The following DNAH11 variants were observed in gnomAD, a reference collection of about 807,000 sequenced individuals.
DNAH11 encodes axonemal beta dynein heavy chain 11.
In DNAH11, 442 loss-of-function variants were observed where a neutral mutation model predicts 526.0. That is an observed-to-expected ratio of 0.84 (90% CI 0.78 to 0.91). The LOEUF (loss-of-function observed/expected upper bound fraction) is 0.91, where lower values mean the gene tolerates loss of function less well. Among genes scored for constraint, DNAH11 ranks in the 40% least tolerant of loss-of-function variants. DNAH11 has a pLI of 0.00. For missense variants in DNAH11, 6,989 were observed against 5,448.7 expected, an observed-to-expected ratio of 1.28 and a Z score of -8.90; for synonymous variants, 2,461 against 1,935.9, an observed-to-expected ratio of 1.27 and a Z score of -7.12.
chr7:21,649,855 G>C (rs1029098821), intron 28 of DNAH11, among the ~76,000 whole-genome samples: 1 of 152,010 alleles, frequency 6.6e-6, no homozygotes, highest in African/African-American at 2.4e-5. Context: ...TAGTAGAGAT[G>C]GGGTTTTGCC....
In DNAH11 at chr7:21,571,829, A is replaced by T; in HGVS notation, c.1449A>T (p.Glu483Asp). The T allele has an allele frequency of 1.9e-6, 3 of 1,612,720 alleles. No individual in the cohort carries two copies. Among genetic ancestry groups the T allele is most frequent in the Non-Finnish European group, 2.5e-6 (3 of 1,179,400 alleles). The stretch of plus-strand genomic sequence containing the variant: ...AGGATATATTTGCCACCACTTTGGA[A>T]TTTGAAAAGCTGGAAAGACTGGAAT... ...KIEDIFATTL[E>D]FEKLERLEFG... Residue 483 changes from glutamate to aspartate, a missense_variant, in exon 8 of 82, where the codon GAA becomes GAT. Physicochemically the swap from Glu to Asp is conservative, Grantham distance 45. Transcript: ENST00000409508.
chr7:21,738,561 G>A (rs1785721248), intron 46 of DNAH11, 140 bp from the exon 47 acceptor site: 2 of 764,718 alleles, frequency 2.6e-6, no homozygotes, highest in Non-Finnish European at 4.0e-6. Flanking sequence ...CACATCCCGG[G>A]TCTCTTAACC....
chr7:21,608,638 G>A (rs1327237529), intron 20 of DNAH11, among the ~76,000 whole-genome samples: 1 of 152,198 alleles, frequency 6.6e-6, no homozygotes, highest in Non-Finnish European at 1.5e-5. Flanking sequence ...GTTAGAGTAT[G>A]CTAATATACT....
chr7:21,773,367 C>A (rs1787521617), intron 55 of DNAH11, among the ~76,000 whole-genome samples: 1 of 146,250 alleles, frequency 6.8e-6, no homozygotes, highest in South Asian at 2.1e-4. Context: ...AGTGACTTTG[C>A]AGGGTTATTG....
intron 63 of DNAH11, among the ~76,000 whole-genome samples, chr7:21,811,267 A>G (rs896128536): frequency 1.3e-5 from 2 of 151,932 alleles, no homozygotes; most frequent in Non-Finnish European, 2.9e-5. Flanking sequence ...GTTCAAGACC[A>G]GCCTGGCCAA....
At chr7:21,679,373 G>C (rs1783046346) in intron 30 of DNAH11, among the ~76,000 whole-genome samples, 1 of 152,158 alleles carries the variant, frequency 6.6e-6, no homozygotes, top group African/African-American at 2.4e-5. Context: ...TTTGCTAAGA[G>C]AGTAAATATC....
At chr7:21,763,237 G>C (rs958958541) in intron 54 of DNAH11, among the ~76,000 whole-genome samples, 10 of 151,372 alleles carry the variant, frequency 6.6e-5, no homozygotes, top group Admixed American at 1.3e-4. Context: ...AGCTACTCAG[G>C]AGGCTGAGGC....
chr7:21,620,147 G>A, intron 25 of DNAH11, 69 bp downstream of exon 25: 1 of 1,260,046 alleles, frequency 7.9e-7, no homozygotes, highest in South Asian at 1.7e-5. Context: ...TGTATATATA[G>A]GGTACCATGT....
At chr7:21,730,698 C>CGT (rs1785341038) in intron 45 of DNAH11, among the ~76,000 whole-genome samples, 1 of 151,792 alleles carries the variant, frequency 6.6e-6, no homozygotes, top group Non-Finnish European at 1.5e-5. Context: ...AGTTAGGAGA[C>CGT]TGGGGAGATG....
chr7:21,589,457 T>C, intron 12 of DNAH11, 54 bp downstream of exon 12: 1 of 1,361,450 alleles, frequency 7.3e-7, no homozygotes, highest in Non-Finnish European at 1.0e-6. Context: ...ATTATAAGCC[T>C]ATTTCTGATA....
rs922818593 is a variant in DNAH11 at position 21,551,649 on chromosome 7, G to T, written c.495+6500G>T. Among the ~76,000 whole-genome samples the T allele has an allele frequency of 3.3e-5, 5 of 152,172 alleles. 1 individual carries two copies. The highest frequency in any genetic ancestry group is 7.4e-5 in the Non-Finnish European group (5 of 68,026). Reference sequence around the variant, plus strand: ...GAAGTGTTTATTCCCATAAATGACAGCATGGCCATTATGTCTCTTGCCATC... The same window carrying T: ...GAAGTGTTTATTCCCATAAATGACATCATGGCCATTATGTCTCTTGCCATC... On this transcript the variant is annotated intron_variant, in intron 2 of 81. Coordinates refer to ENST00000409508, the MANE Select transcript of DNAH11 (RefSeq NM_001277115.2).
At chr7:21,697,973 A>T in intron 35 of DNAH11, 102 bp from the exon 36 acceptor site, 1 of 1,216,398 alleles carries the variant, frequency 8.2e-7, no homozygotes, top group Non-Finnish European at 1.1e-6. Flanking sequence ...TGATCTGCTT[A>T]GGAATGGTTA....
intron 2 of DNAH11, among the ~76,000 whole-genome samples, chr7:21,558,591 G>C (rs1327698064): frequency 6.6e-6 from 1 of 152,202 alleles, no homozygotes; most frequent in Non-Finnish European, 1.5e-5. Flanking sequence ...GTAAATGAAT[G>C]AACAAGCAGT....
At chr7:21,803,274 T>C (rs1789076453) in intron 62 of DNAH11, among the ~76,000 whole-genome samples, 1 of 152,110 alleles carries the variant, frequency 6.6e-6, no homozygotes, top group South Asian at 2.1e-4. Context: ...TTTTCACATA[T>C]TACAAAAAAT....
chr7:21,735,833 C>T lies in DNAH11; in HGVS notation c.7634C>T (p.Thr2545Ile), dbSNP rs759210659. 1.2e-6 allele frequency: 2 copies of T among 1,608,054 alleles called. No homozygotes were observed. Among genetic ancestry groups the T allele is most frequent in the Non-Finnish European group, 1.7e-6 (2 of 1,175,996 alleles). The change falls in exon 46 of 82, where the codon ACA (threonine) becomes ATA (isoleucine). Residue 2545 changes from threonine (T) to isoleucine (I), a missense_variant. Thr to Ile is a moderately conservative substitution (Grantham distance 89). Transcript: ENST00000409508. ...RVPFNYYTTS[T>I]ALQKILEKPL... The stretch of plus-strand genomic sequence containing the variant: ...CCTTTCAACTACTACACGACATCCA[C>T]AGCTCTGCAAAGTAAGTGCACCTGT...
intron 80 of DNAH11, 59 bp from the exon 81 acceptor site, chr7:21,899,921 T>A: frequency 6.3e-7 from 1 of 1,580,114 alleles, no homozygotes; most frequent in Non-Finnish European, 8.6e-7. Context: ...TACTGGTAGC[T>A]CCCGGGAACC....
chr7:21,763,720 G>A (rs941861516), intron 54 of DNAH11, among the ~76,000 whole-genome samples: 33 of 150,012 alleles, frequency 2.2e-4, no homozygotes, highest in African/African-American at 5.2e-4. Flanking sequence ...TCACTGCAGC[G>A]TTATTCACGA....
intron 74 of DNAH11, among the ~76,000 whole-genome samples, chr7:21,879,235 TGA>T (rs1446875769): frequency 6.6e-6 from 1 of 151,920 alleles, no homozygotes; most frequent in Non-Finnish European, 1.5e-5. Flanking sequence ...GGGTGGATCA[TGA>T]GATCAGGAGT....
intron 28 of DNAH11, among the ~76,000 whole-genome samples, chr7:21,640,602 A>G (rs1050936651): frequency 1.3e-5 from 2 of 152,096 alleles, no homozygotes; most frequent in Non-Finnish European, 2.9e-5. Flanking sequence ...GTCATGAAAC[A>G]GTTTTATCTT....
Sources: gnomAD v4.1 joint callset for allele counts (sites outside exome capture counted in the v4.1 genomes callset) on GRCh38, gnomAD v4.1.1 for gene constraint, MANE v1.5 for transcripts, NCBI Gene and HGNC (gene_info 2026-07-23, HGNC 2026-07-21) for gene names.